Variants in ITGB5 observed in about 807,000 individuals in gnomAD.
ITGB5 encodes the protein integrin beta-5.
Under a neutral mutation model 84.8 loss-of-function variants are expected in ITGB5, and 38 were observed. The ratio of observed to expected loss-of-function variants is 0.45; its 90% confidence interval spans 0.35 to 0.59. The LOEUF is 0.59. ITGB5 is among the 20% of genes least tolerant of loss of function. The pLI is 0.01. For missense variants in ITGB5, 905 were observed against 1,034.5 expected, an observed-to-expected ratio of 0.87 and a Z score of 1.72; for synonymous variants, 393 against 414.4, an observed-to-expected ratio of 0.95 and a Z score of 0.63.
At chr3:124,807,886 G>A (rs915176733) in intron 9 of ITGB5, among the ~76,000 whole-genome samples, 5 of 135,478 alleles carry the variant, frequency 3.7e-5, no homozygotes, top group Non-Finnish European at 7.7e-5. Context: ...AGCTTGCAGT[G>A]AGCCGAGATC....
At chr3:124,774,777 T>A (rs1019351430) in intron 10 of ITGB5, among the ~76,000 whole-genome samples, 2 of 146,972 alleles carry the variant, frequency 1.4e-5, no homozygotes, top group African/African-American at 4.9e-5. Context: ...TAGGAGCAGA[T>A]GCTGAGAACA....
At chr3:124,878,296 T>C (rs533797062) in intron 1 of ITGB5, among the ~76,000 whole-genome samples, 7 of 152,218 alleles carry the variant, frequency 4.6e-5, no homozygotes, top group African/African-American at 1.7e-4. Context: ...GGTCTTCTGG[T>C]CCACCAGCCT....
At chr3:124,831,008 A>G (rs2064852033) in intron 5 of ITGB5, among the ~76,000 whole-genome samples, 1 of 152,032 alleles carries the variant, frequency 6.6e-6, no homozygotes, top group Admixed American at 6.5e-5. Context: ...AACAACAACA[A>G]AAAAACAAGA....
Position 124,766,234 on chromosome 3 carries a change from C to T in ITGB5, c.2129G>A (p.Arg710Lys). The change falls in exon 13 of 15, where the codon AGG becomes AAG. Residue 710 changes from arginine (R) to lysine (K), a missense_variant. Transcript: ENST00000296181. ...TTGCAGCCCTCACCTACCTGGCTCC[C>T]TGAGGACGGTCAGGTTGGACTTCCC... is the stretch of plus-strand genomic sequence containing the variant. ...PSGKSNLTVL[R>K]EPECGNTPNA... 6.2e-7 allele frequency: 1 copy of T among 1,613,870 alleles called. No homozygotes were observed. The highest frequency in any genetic ancestry group is 8.5e-7 in the Non-Finnish European group (1 of 1,179,922).
chr3:124,801,183 GGCT>G (rs1243412011), intron 9 of ITGB5, among the ~76,000 whole-genome samples: 7 of 152,332 alleles, frequency 4.6e-5, no homozygotes, highest in Non-Finnish European at 7.4e-5. Flanking sequence ...GGGGTTCACT[GGCT>G]GCTTTGTGCT....
chr3:124,875,579 C>T (rs1049423591), intron 1 of ITGB5, among the ~76,000 whole-genome samples: 1 of 151,402 alleles, frequency 6.6e-6, no homozygotes, highest in Admixed American at 6.6e-5. Flanking sequence ...TAAATTAGTA[C>T]AGCTATTATG....
intron 5 of ITGB5, among the ~76,000 whole-genome samples, chr3:124,823,542 A>G (rs2064738654): frequency 6.6e-6 from 1 of 151,242 alleles, no homozygotes. Flanking sequence ...TCAGGATTGG[A>G]AGGGGTCACA....
chr3:124,889,179 A>G (rs947142502), upstream of ITGB5, among the ~76,000 whole-genome samples: 11 of 152,194 alleles, frequency 7.2e-5, no homozygotes, highest in Non-Finnish European at 2.9e-5. Flanking sequence ...ACTCAAAGTC[A>G]TCCCTCTGAG....
At chr3:124,834,302 G>A (rs1021514844) in intron 5 of ITGB5, among the ~76,000 whole-genome samples, 1 of 151,784 alleles carries the variant, frequency 6.6e-6, no homozygotes, top group Non-Finnish European at 1.5e-5. Context: ...TGCTGATGGT[G>A]GGGGAGGTTG....
chr3:124,892,536 A>AG, upstream of ITGB5, among the ~76,000 whole-genome samples: 1 of 149,304 alleles, frequency 6.7e-6, no homozygotes, highest in Non-Finnish European at 1.5e-5. Flanking sequence ...TTAAAAAAAA[A>AG]AAAAAAAAAA....
Position 124,898,537 on chromosome 3 carries a change from G to A in ITGB5, c.-255+2729C>T, listed in dbSNP as rs531430403. On this transcript the variant is annotated intron_variant, in intron 1 of 4. Coordinates refer to the ITGB5 transcript ENST00000608657. The stretch of plus-strand genomic sequence containing the variant: ...CAGGCACCTGTAGTCCCAGCTACTC[G>A]GGAGGCTGAGGCAGGAGAATGGCGT... Among the ~76,000 whole-genome samples the A allele has an allele frequency of 4.0e-5, 6 of 150,398 alleles. No homozygotes were observed. The South Asian group carries it at 6.4e-4, about 16-fold the overall frequency.
At chr3:124,814,450 A>C (rs1425960886) in intron 8 of ITGB5, among the ~76,000 whole-genome samples, 1 of 150,542 alleles carries the variant, frequency 6.6e-6, no homozygotes, top group Non-Finnish European at 1.5e-5. Context: ...ATTATATGTC[A>C]ATAAGGCTTT....
Position 124,817,713 on chromosome 3 carries a change from TG to T in ITGB5, c.1039-4del. 6.4e-7 allele frequency: 1 copy of T among 1,567,522 alleles called. No homozygotes were observed. ...CCAGGTATCAGGGCTGTAAAATTCT[TG>T]GGAAAAAAAGTAAAGAAAAGAAATA... On this transcript the variant is annotated splice_region_variant and splice_polypyrimidine_tract_variant and intron_variant, in intron 7 of 14. Transcript: ENST00000296181.
chr3:124,896,449 A>G lies in ITGB5; in HGVS notation c.-255+4817T>C, dbSNP rs370752587. On this transcript the variant is annotated intron_variant, in intron 1 of 4. Coordinates refer to the ITGB5 transcript ENST00000608657. The stretch of plus-strand genomic sequence containing the variant: ...CAGAGACCACACTTGGCTTTAGTCA[A>G]CTCAAAAAGATGTAGGGGGCTGAGT... 5.9e-5 allele frequency among the ~76,000 whole-genome samples: 9 copies of G among 152,180 alleles called. No homozygotes were observed. In the South Asian group the frequency reaches 8.3e-4, roughly 14 times the overall value.
intron 11 of ITGB5, among the ~76,000 whole-genome samples, chr3:124,771,087 TG>T (rs3836308): frequency 0.16 from 25,087 of 152,226 alleles, 2,270 homozygotes; most frequent in Admixed American, 0.25. Context: ...CCCCATGTAC[TG>T]GTTGAAACTT....
At chr3:124,816,349 G>A (rs1271103068) in intron 8 of ITGB5, among the ~76,000 whole-genome samples, 1 of 152,244 alleles carries the variant, frequency 6.6e-6, no homozygotes, top group African/African-American at 2.4e-5. Flanking sequence ...ATCAGTCACT[G>A]CTGGGAAGGC....
At chr3:124,851,025 C>T (rs2065145262) in intron 3 of ITGB5, among the ~76,000 whole-genome samples, 1 of 152,246 alleles carries the variant, frequency 6.6e-6, no homozygotes, top group African/African-American at 2.4e-5. Context: ...CACCTGTCCC[C>T]CCAAGTTCCC....
intron 8 of ITGB5, among the ~76,000 whole-genome samples, chr3:124,812,603 G>A (rs985180102): frequency 3.3e-5 from 5 of 152,140 alleles, no homozygotes; most frequent in African/African-American, 1.2e-4. Context: ...AGGGCTCCAC[G>A]GCTGAGCTCA....
intron 1 of ITGB5, among the ~76,000 whole-genome samples, chr3:124,893,285 G>A (rs1216167228): frequency 6.6e-6 from 1 of 152,074 alleles, no homozygotes; most frequent in African/African-American, 2.4e-5. Context: ...GCGTGCTCCT[G>A]TAATCCTAGC....
Sources: gnomAD v4.1 joint callset for allele counts (sites outside exome capture counted in the v4.1 genomes callset) on GRCh38, gnomAD v4.1.1 for gene constraint, MANE v1.5 for transcripts, NCBI Gene and HGNC (gene_info 2026-07-23, HGNC 2026-07-21) for gene names.